The following NUP160 variants were observed in gnomAD, a reference collection of about 807,000 sequenced individuals.
NUP160 encodes nuclear pore complex protein Nup160.
Under a neutral mutation model 196.9 loss-of-function variants are expected in NUP160, and 94 were observed. The observed-to-expected ratio is 0.48, with a 90% CI of 0.40 to 0.57. The LOEUF is 0.57. Ranked by LOEUF, NUP160 falls within the 20% of genes least tolerant of loss-of-function variation. NUP160 has a pLI of 0.00. For missense variants in NUP160, 1,638 were observed against 1,748.3 expected (o/e 0.94, Z 1.13); for synonymous variants, 605 against 619.7 (o/e 0.98, Z 0.35).
intron 7 of NUP160, among the ~76,000 whole-genome samples, chr11:47,827,508 C>T (rs1851995380): frequency 6.6e-6 from 1 of 152,062 alleles, no homozygotes; most frequent in Non-Finnish European, 1.5e-5. Context: ...AGATGCATAG[C>T]ATGGCCAACA....
intron 18 of NUP160, among the ~76,000 whole-genome samples, chr11:47,807,821 C>T (rs532282093): frequency 4.1e-5 from 6 of 144,964 alleles, no homozygotes; most frequent in South Asian, 2.4e-4. Context: ...TACACACAAA[C>T]GTGTAGTACA....
In NUP160 at chr11:47,826,139, TAAAC is replaced by T. The variant is rs377604809; in HGVS notation, c.1102-3979_1102-3976del. The stretch of plus-strand genomic sequence containing the variant: ...CAATTTAGCAGGTCTCAAACAGCAT[TAAAC>T]AAACAAACAAACAAACAAACAAACA... On this transcript the variant is annotated intron_variant, in intron 7 of 35. Transcript: ENST00000378460. 7.7e-3 allele frequency among the ~76,000 whole-genome samples: 1,170 copies of T among 151,940 alleles called. 6 individuals carry two copies. The highest frequency in any genetic ancestry group is 0.014 in the Middle Eastern group (4 of 294).
exon 33 of NUP160, chr11:47,785,007 T>A (rs780697313): frequency 6.2e-7 from 1 of 1,604,224 alleles, no homozygotes; most frequent in Admixed American, 1.7e-5. Flanking sequence ...CAAGTTATTC[T>A]GGACTTTGTA....
Position 47,783,055 on chromosome 11 carries a change from C to G in NUP160, c.4116+18G>C, listed in dbSNP as rs1479370384. 1.9e-6 allele frequency: 3 copies of G among 1,604,556 alleles called. No homozygotes were observed. The highest frequency in any genetic ancestry group is 4.5e-5 in the East Asian group (2 of 44,512). ...AAGTCAAACCATTGTAAATTGGGGA[C>G]CATTTGTATATGCCTACCTCAATTC... On this transcript the variant is annotated intron_variant, in intron 34 of 35. Transcript: ENST00000378460.
chr11:47,834,775 G>C (rs932740969), intron 7 of NUP160, among the ~76,000 whole-genome samples: 1 of 152,130 alleles, frequency 6.6e-6, no homozygotes, highest in African/African-American at 2.4e-5. Flanking sequence ...CAAGAGCCTA[G>C]GGACATAAGA....
rs1599326060 is a variant in NUP160 at position 47,812,790 on chromosome 11, G to C, written c.1952+92C>G. 3 of 1,024,488 alleles carry C rather than the reference G, an allele frequency of 2.9e-6. No individual in the cohort carries two copies. In the East Asian group the frequency reaches 7.2e-5, roughly 25 times the overall value. The allele number at this position is 1,024,488 out of a possible 1,614,324, so 63.5% of individuals were successfully genotyped here. On this transcript the variant is annotated intron_variant, in intron 15 of 35. Coordinates refer to ENST00000378460, the Ensembl canonical transcript of NUP160. ...CAGTTTGACTTTAAGCTACTATTCT[G>C]TACGCTCTGGAACATACATTAAAAT...
At chr11:47,840,741 T>G (rs76313208) in intron 2 of NUP160, among the ~76,000 whole-genome samples, 153 bp from the exon 3 acceptor site, 2 of 152,238 alleles carry the variant, frequency 1.3e-5, no homozygotes, top group Non-Finnish European at 2.9e-5. Flanking sequence ...AATCACATTA[T>G]GTACATTTAT....
At chr11:47,813,470 A>G in intron 13 of NUP160, 55 bp from the exon 14 acceptor site, 2 of 1,166,952 alleles carry the variant, frequency 1.7e-6, no homozygotes, top group Non-Finnish European at 2.6e-6. Flanking sequence ...TAAAGGTATA[A>G]AATAATTGAG....
At chr11:47,819,346 C>T in intron 10 of NUP160, 28 bp downstream of exon 10, 2 of 1,444,824 alleles carry the variant, frequency 1.4e-6, no homozygotes, top group South Asian at 1.2e-5. Flanking sequence ...AAATCATTCC[C>T]TTATATAACA....
chr11:47,793,168 GGTAGAGAGTTTA>G (rs1181589600), intron 27 of NUP160, among the ~76,000 whole-genome samples: 2 of 151,820 alleles, frequency 1.3e-5, no homozygotes, highest in Admixed American at 6.6e-5. Flanking sequence ...TTGTATTTTT[GGTAGAGAGTTTA>G]GTAGAGAGTT....
At chr11:47,799,854 C>T (rs2097673111) in intron 23 of NUP160, among the ~76,000 whole-genome samples, 1 of 152,150 alleles carries the variant, frequency 6.6e-6, no homozygotes, top group Non-Finnish European at 1.5e-5. Flanking sequence ...TATAATGGAC[C>T]TGGAAAATTC....
At chr11:47,837,299 G>A (rs1412528130) in intron 5 of NUP160, among the ~76,000 whole-genome samples, 5 of 152,074 alleles carry the variant, frequency 3.3e-5, no homozygotes, top group African/African-American at 1.2e-4. Context: ...GGGTAAGTCG[G>A]GGCAGAGCAC....
chr11:47,807,289 A>G lies in NUP160; in HGVS notation c.2376-149T>C, dbSNP rs1285903420. ...AGCACAAAAAAAATTGGAAATCATT[A>G]TAATATAGATTGTTGCCCATAATAT... On this transcript the variant is annotated intron_variant, in intron 18 of 35. Coordinates refer to ENST00000378460, the Ensembl canonical transcript of NUP160. 3 of 602,282 alleles carry G rather than the reference A, an allele frequency of 5.0e-6. No individual in the cohort carries two copies. In the Admixed American group the frequency reaches 9.2e-5, roughly 18 times the overall value. The allele number at this position is 602,282 out of a possible 1,614,324, so 37.3% of individuals were successfully genotyped here.
At chr11:47,808,494 C>A in exon 18 of NUP160, 1 of 1,613,990 alleles carries the variant, frequency 6.2e-7, no homozygotes, top group Non-Finnish European at 8.5e-7. Flanking sequence ...GTAGGTCTTG[C>A]TGAGCTTGAA....
exon 19 of NUP160, chr11:47,807,096 G>C: frequency 6.2e-7 from 1 of 1,611,956 alleles, no homozygotes; most frequent in Middle Eastern, 1.7e-4. Flanking sequence ...TAAAGCACCA[G>C]AGTCTGTTAA....
intron 27 of NUP160, among the ~76,000 whole-genome samples, chr11:47,794,431 C>A (rs2097669699): frequency 6.6e-6 from 1 of 151,530 alleles, no homozygotes; most frequent in Non-Finnish European, 1.5e-5. Flanking sequence ...GCCGAGATTG[C>A]GCCACTGCAC....
At chr11:47,813,896 C>A (rs906170732) in intron 13 of NUP160, among the ~76,000 whole-genome samples, 6 of 151,388 alleles carry the variant, frequency 4.0e-5, no homozygotes, top group Non-Finnish European at 7.4e-5. Context: ...ACGGTGAAAC[C>A]CCGTCTCTAC....
chr11:47,791,989 T>C (rs768448721), exon 29 of NUP160: 5 of 1,606,200 alleles, frequency 3.1e-6, no homozygotes, highest in Admixed American at 3.5e-5. Flanking sequence ...AGGGCGATCA[T>C]ACTGATAAAA....
At chr11:47,815,575 C>T (rs143544149) in exon 13 of NUP160, 3 of 1,613,144 alleles carry the variant, frequency 1.9e-6, no homozygotes, top group Admixed American at 1.7e-5. Flanking sequence ...AGGCATAGAA[C>T]TTGCACCAGA....
Sources: gnomAD v4.1 joint callset for allele counts (sites outside exome capture counted in the v4.1 genomes callset) on GRCh38, gnomAD v4.1.1 for gene constraint, MANE v1.5 for transcripts, NCBI Gene and HGNC (gene_info 2026-07-23, HGNC 2026-07-21) for gene names.